CLNK: variants seen among roughly 807,000 people sequenced by gnomAD.
CLNK encodes cytokine-dependent hematopoietic cell linker.
CLNK carries 74 observed loss-of-function variants against 68.6 expected under a neutral mutation model. The observed-to-expected ratio is 1.08, with a 90% confidence interval of 0.89 to 1.31. The LOEUF is 1.31. CLNK is among the 50% of genes most tolerant of loss of function. The pLI is 0.00. For synonymous variants in CLNK, 198 were observed against 172.2 expected (o/e 1.15, Z -1.17); for missense variants, 553 against 515.3 (o/e 1.07, Z -0.71).
At chr4:10,598,736 TCAGC>T (rs1465268075) in intron 2 of CLNK, 7 of 410,988 alleles carry the variant, frequency 1.7e-5, no homozygotes, top group African/African-American at 1.2e-4. Context: ...GTTCATTTAA[TCAGC>T]CACGTTTCCC....
chr4:10,567,128 T>C (rs1454130169), intron 5 of CLNK, among the ~76,000 whole-genome samples: 7 of 51,230 alleles, frequency 1.4e-4, no homozygotes, highest in African/African-American at 4.5e-4. Context: ...AAAACAATCT[T>C]GGGAAAAAAA....
chr4:10,510,040 G>C (rs1386252575), intron 16 of CLNK, among the ~76,000 whole-genome samples: 1 of 152,218 alleles, frequency 6.6e-6, no homozygotes, highest in African/African-American at 2.4e-5. Context: ...GGCCAGTCCA[G>C]GGACTTGGAA....
In CLNK at chr4:10,487,793, G is replaced by C. The variant is rs140692336; in HGVS notation, c.*2674C>G. The C allele has an allele frequency of 6.6e-6, 1 of 152,254 alleles. No individual in the cohort carries two copies. Among genetic ancestry groups the C allele is most frequent in the African/African-American group, 2.4e-5 (1 of 41,538 alleles). 9.4% of individuals were successfully genotyped at this position (152,254 alleles called of 1,614,324 possible). A position where few individuals can be genotyped will look rare whatever the true frequency, so the allele number is the denominator to read the frequency against. ...CCAAAACTCTCCCAGAGCTGTGTCT[G>C]AATCTCATGCTTTTTCTCCTCACTC... On this transcript the variant is annotated 3_prime_UTR_variant, in exon 19 of 19. Transcript: ENST00000226951.
At chr4:10,559,049 G>A (rs1030909193) in intron 7 of CLNK, among the ~76,000 whole-genome samples, 1 of 152,196 alleles carries the variant, frequency 6.6e-6, no homozygotes, top group Non-Finnish European at 1.5e-5. Context: ...GAACACAGGT[G>A]TCGCTAACCA....
At chr4:10,548,267 A>G (rs4698066) in intron 8 of CLNK, among the ~76,000 whole-genome samples, 9,762 of 152,154 alleles carry the variant, frequency 0.064, 408 homozygotes, top group Admixed American at 0.14. Flanking sequence ...GCTGAGAACC[A>G]CTTCCTATAT....
chr4:10,671,008 A>G (rs1395618804), intron 1 of CLNK, among the ~76,000 whole-genome samples: 2 of 152,264 alleles, frequency 1.3e-5, no homozygotes, highest in Non-Finnish European at 2.9e-5. Context: ...AAATATTAGT[A>G]GCTTTTGAGA....
the CLNK span, among the ~76,000 whole-genome samples, chr4:10,724,349 G>A: frequency 6.6e-6 from 1 of 152,048 alleles, no homozygotes; most frequent in Non-Finnish European, 1.5e-5. Flanking sequence ...GCCATCCTAT[G>A]TAATTCTACA....
chr4:10,700,629 G>A, the CLNK span, among the ~76,000 whole-genome samples: 1 of 152,172 alleles, frequency 6.6e-6, no homozygotes, highest in Admixed American at 6.5e-5. Context: ...AAATGCAGTG[G>A]TCGTGCTGGA....
intron 3 of CLNK, among the ~76,000 whole-genome samples, chr4:10,592,692 GTTGTTTGT>G (rs201603478): frequency 1.3e-4 from 20 of 151,546 alleles, no homozygotes; most frequent in Non-Finnish European, 2.2e-4. Flanking sequence ...GCATCTACTT[GTTGTTTGT>G]TTGTTTGTTT....
At chr4:10,548,794 G>T (rs1345638307) in intron 8 of CLNK, among the ~76,000 whole-genome samples, 1 of 152,206 alleles carries the variant, frequency 6.6e-6, no homozygotes, top group Non-Finnish European at 1.5e-5. Flanking sequence ...TGTCTCCATT[G>T]TGTATTCCTG....
intron 8 of CLNK, among the ~76,000 whole-genome samples, chr4:10,544,832 A>G (rs983639840): frequency 7.2e-5 from 11 of 152,120 alleles, no homozygotes; most frequent in African/African-American, 2.4e-4. Context: ...TCTGAGGTGT[A>G]CTAAGACGGT....
At chr4:10,710,103 T>C in the CLNK span, among the ~76,000 whole-genome samples, 46 of 152,236 alleles carry the variant, frequency 3.0e-4, no homozygotes, top group African/African-American at 9.6e-4. Flanking sequence ...AACATTTCTG[T>C]AAGGGAAAGG....
At chr4:10,718,685 A>G in the CLNK span, among the ~76,000 whole-genome samples, 2 of 150,388 alleles carry the variant, frequency 1.3e-5, no homozygotes, top group African/African-American at 2.5e-5. Context: ...ACAAAACAAC[A>G]AAAAAAATAT....
intron 2 of CLNK, among the ~76,000 whole-genome samples, chr4:10,656,006 A>C (rs547406117): frequency 6.6e-6 from 1 of 152,226 alleles, no homozygotes; most frequent in Admixed American, 6.5e-5. Flanking sequence ...AAAAAGAAAA[A>C]GAGAGAAAGA....
intron 3 of CLNK, among the ~76,000 whole-genome samples, chr4:10,586,394 C>T (rs973904160): frequency 2.9e-5 from 4 of 139,438 alleles, no homozygotes; most frequent in East Asian, 2.1e-4. Flanking sequence ...TGCAGTGGTA[C>T]GATCTCTCCT....
chr4:10,505,736 G>A (rs906527927), intron 17 of CLNK, among the ~76,000 whole-genome samples: 1 of 151,998 alleles, frequency 6.6e-6, no homozygotes, highest in African/African-American at 2.4e-5. Context: ...TGATTATACT[G>A]AGCCCCCCCA....
intron 2 of CLNK, among the ~76,000 whole-genome samples, chr4:10,626,917 C>G (rs1051740986): frequency 3.9e-5 from 6 of 152,172 alleles, no homozygotes; most frequent in African/African-American, 1.4e-4. Context: ...ACCTCAGTTT[C>G]TTCACCTGTA....
chr4:10,525,357 G>A (rs773616805), intron 14 of CLNK, among the ~76,000 whole-genome samples: 6 of 152,096 alleles, frequency 3.9e-5, no homozygotes, highest in African/African-American at 7.2e-5. Context: ...GAGCCACCGC[G>A]CCCGGCCAAG....
At chr4:10,544,346 C>T (rs1464911361) in intron 8 of CLNK, among the ~76,000 whole-genome samples, 1 of 152,166 alleles carries the variant, frequency 6.6e-6, no homozygotes, top group Admixed American at 6.5e-5. Context: ...TAGGTATGGA[C>T]TCATTTTTAA....
Sources: gnomAD v4.1 joint callset for allele counts (sites outside exome capture counted in the v4.1 genomes callset) on GRCh38, gnomAD v4.1.1 for gene constraint, MANE v1.5 for transcripts, NCBI Gene and HGNC (gene_info 2026-07-23, HGNC 2026-07-21) for gene names.